The following SLC35F4 variants were observed in gnomAD, a reference collection of about 807,000 sequenced individuals.
The protein encoded by SLC35F4 is solute carrier family 35 member F4, also known as chromosome 14 open reading frame 36.
SLC35F4 carries 24 observed loss-of-function variants against 44.2 expected under a neutral mutation model. That is an observed-to-expected ratio of 0.54 (90% CI 0.39 to 0.76). SLC35F4 has a LOEUF of 0.76. SLC35F4 is among the 30% of genes least tolerant of loss of function. SLC35F4 has a pLI of 0.00. For missense variants in SLC35F4, 562 were observed against 586.1 expected (o/e 0.96, Z 0.42); for synonymous variants, 238 against 223.6 (o/e 1.06, Z -0.57).
chr14:57,981,404 A>G lies in SLC35F4; in HGVS notation n.151+509T>C, dbSNP rs551018910. Among the ~76,000 whole-genome samples, 193 of 152,286 alleles carry G rather than the reference A, an allele frequency of 1.3e-3. 1 individual carries two copies. Among genetic ancestry groups the G allele is most frequent in the African/African-American group, 4.3e-3 (179 of 41,570 alleles). The stretch of plus-strand genomic sequence containing the variant: ...GATATTACCCCCATTTTAGAGTTGA[A>G]GTAACTGAGGCTCAGGTAGACTAGT... On this transcript the variant is annotated intron_variant and non_coding_transcript_variant, in intron 1 of 1. Transcript: ENST00000554648.
At chr14:57,809,328 G>A (rs2140880579) in intron 1 of SLC35F4, among the ~76,000 whole-genome samples, 1 of 152,314 alleles carries the variant, frequency 6.6e-6, no homozygotes, top group South Asian at 2.1e-4. Context: ...TTTCCTTGCA[G>A]TTAGGTGGAA....
At chr14:57,755,958 T>C (rs893774374) in intron 1 of SLC35F4, among the ~76,000 whole-genome samples, 1 of 152,200 alleles carries the variant, frequency 6.6e-6, no homozygotes, top group African/African-American at 2.4e-5. Flanking sequence ...AACACGTTAT[T>C]ATCAGACTGC....
intron 1 of SLC35F4, among the ~76,000 whole-genome samples, chr14:57,723,654 A>C (rs1377369863): frequency 1.3e-5 from 2 of 152,232 alleles, no homozygotes; most frequent in Non-Finnish European, 2.9e-5. Flanking sequence ...ATTCCTGTCC[A>C]TAAGGCCCAC....
chr14:57,718,719 G>A (rs962047748), intron 1 of SLC35F4, among the ~76,000 whole-genome samples: 2 of 152,002 alleles, frequency 1.3e-5, no homozygotes, highest in African/African-American at 2.4e-5. Context: ...AGTTGTTTGA[G>A]CTCCTTATAT....
At chr14:57,591,243 A>G (rs1235232134) in intron 2 of SLC35F4, among the ~76,000 whole-genome samples, 1 of 152,200 alleles carries the variant, frequency 6.6e-6, no homozygotes, top group African/African-American at 2.4e-5. Flanking sequence ...ACACAGTGTG[A>G]TAAGAGCCAG....
At chr14:57,773,276 T>C in intron 1 of SLC35F4, among the ~76,000 whole-genome samples, 1 of 152,234 alleles carries the variant, frequency 6.6e-6, no homozygotes, top group East Asian at 1.9e-4. Context: ...CACTGACTAG[T>C]TTTTGTTGAG....
intron 1 of SLC35F4, among the ~76,000 whole-genome samples, chr14:57,854,098 A>C (rs1474840449): frequency 6.6e-6 from 1 of 152,228 alleles, no homozygotes; most frequent in African/African-American, 2.4e-5. Flanking sequence ...AAAAATGCTT[A>C]TCCTGAAATG....
chr14:57,891,421 T>C (rs11845721), intron 1 of SLC35F4, among the ~76,000 whole-genome samples: 5,351 of 152,062 alleles, frequency 0.035, 268 homozygotes, highest in African/African-American at 0.1. Context: ...GGAGGCAAGA[T>C]TGCTTGGGCC....
intron 1 of SLC35F4, among the ~76,000 whole-genome samples, chr14:57,636,975 G>A (rs1450625979): frequency 6.6e-6 from 1 of 152,116 alleles, no homozygotes; most frequent in African/African-American, 2.4e-5. Flanking sequence ...ACAGACTAGT[G>A]TTTATTAACC....
intron 1 of SLC35F4, among the ~76,000 whole-genome samples, chr14:57,627,923 T>C (rs2072554941): frequency 6.6e-6 from 1 of 152,106 alleles, no homozygotes; most frequent in South Asian, 2.1e-4. Context: ...CTTTATTCTT[T>C]AGAAATGGGC....
At chr14:57,791,298 A>T (rs1244569120) in intron 1 of SLC35F4, among the ~76,000 whole-genome samples, 3 of 152,240 alleles carry the variant, frequency 2.0e-5, no homozygotes, top group African/African-American at 7.2e-5. Flanking sequence ...GAAAAAAAAC[A>T]AACAACCCCA....
intron 1 of SLC35F4, among the ~76,000 whole-genome samples, chr14:57,650,542 C>A (rs999545768): frequency 6.6e-6 from 1 of 152,108 alleles, no homozygotes. Flanking sequence ...CTAATTCATA[C>A]CTCTGTCATG....
chr14:57,723,983 C>A (rs1167394596), intron 1 of SLC35F4, among the ~76,000 whole-genome samples: 4 of 152,102 alleles, frequency 2.6e-5, no homozygotes, highest in African/African-American at 9.7e-5. Flanking sequence ...TGGGGCCTGT[C>A]GAGATATTTC....
chr14:57,798,387 T>A (rs1014837426), intron 1 of SLC35F4, among the ~76,000 whole-genome samples: 2 of 152,074 alleles, frequency 1.3e-5, no homozygotes, highest in Non-Finnish European at 2.9e-5. Context: ...GACAGCAGGA[T>A]CCTCTGTACT....
intron 1 of SLC35F4, among the ~76,000 whole-genome samples, chr14:57,844,656 G>C (rs933121355): frequency 3.6e-4 from 55 of 152,170 alleles, no homozygotes; most frequent in African/African-American, 1.3e-3. Context: ...TTACCTTCTA[G>C]ATGCAGGAAA....
At chr14:57,820,050 A>G (rs1883004717) in intron 1 of SLC35F4, among the ~76,000 whole-genome samples, 1 of 152,214 alleles carries the variant, frequency 6.6e-6, no homozygotes, top group Non-Finnish European at 1.5e-5. Context: ...AAATATACTG[A>G]AACAACTGGT....
At chr14:57,566,623 T>C in intron 6 of SLC35F4, 59 bp from the exon 7 acceptor site, 1 of 1,473,920 alleles carries the variant, frequency 6.8e-7, no homozygotes, top group Non-Finnish European at 9.3e-7. Context: ...GACTTTTTTC[T>C]CCTTATAGTA....
chr14:57,838,229 G>A (rs775156613), intron 1 of SLC35F4, among the ~76,000 whole-genome samples: 13 of 152,286 alleles, frequency 8.5e-5, no homozygotes, highest in South Asian at 2.1e-4. Flanking sequence ...TTGGAAAAGC[G>A]AGGAGAACAG....
intron 1 of SLC35F4, among the ~76,000 whole-genome samples, chr14:57,742,311 G>C (rs2076632861): frequency 6.6e-6 from 1 of 152,186 alleles, no homozygotes; most frequent in African/African-American, 2.4e-5. Flanking sequence ...CCATCAGTGT[G>C]CTGTATTCAG....
Sources: gnomAD v4.1 joint callset for allele counts (sites outside exome capture counted in the v4.1 genomes callset) on GRCh38, gnomAD v4.1.1 for gene constraint, MANE v1.5 for transcripts, NCBI Gene and HGNC (gene_info 2026-07-23, HGNC 2026-07-21) for gene names.